Variants in SESTD1 observed in about 807,000 individuals in gnomAD.
SESTD1 encodes the protein SEC14 domain and spectrin repeat-containing protein 1.
A neutral mutation model predicts 101.7 loss-of-function variants in SESTD1; 43 were observed. The observed-to-expected ratio is 0.42, with a 90% CI of 0.33 to 0.55. SESTD1 has a LOEUF of 0.55. Among genes scored for constraint, SESTD1 ranks in the 20% least tolerant of loss-of-function variants. The probability of loss-of-function intolerance (pLI) is 0.07; values close to 1 mark genes in which losing one functional copy is unlikely to be tolerated. For synonymous variants in SESTD1, 283 were observed against 286.8 expected, an observed-to-expected ratio of 0.99 and a Z score of 0.13; for missense variants, 647 against 815.1, an observed-to-expected ratio of 0.79 and a Z score of 2.51.
chr2:179,183,487 C>T (rs1258542363), intron 2 of SESTD1, among the ~76,000 whole-genome samples: 4 of 152,030 alleles, frequency 2.6e-5, no homozygotes, highest in African/African-American at 9.7e-5. Flanking sequence ...ACACCTCTCA[C>T]GTGCCCAGCA....
At chr2:179,155,273 A>C (rs889191557) in intron 5 of SESTD1, among the ~76,000 whole-genome samples, 1 of 152,132 alleles carries the variant, frequency 6.6e-6, no homozygotes, top group Admixed American at 6.5e-5. Flanking sequence ...ATTAAACACA[A>C]TCAGATCCCA....
At chr2:179,168,893 T>G (rs2045882208) in intron 5 of SESTD1, among the ~76,000 whole-genome samples, 1 of 152,180 alleles carries the variant, frequency 6.6e-6, no homozygotes, top group Non-Finnish European at 1.5e-5. Flanking sequence ...TGTTTTAAGG[T>G]CCTTCTATTT....
At chr2:179,141,430 C>T (rs1051623584) in intron 9 of SESTD1, among the ~76,000 whole-genome samples, 1 of 152,134 alleles carries the variant, frequency 6.6e-6, no homozygotes, top group African/African-American at 2.4e-5. Context: ...ATGTAATTAT[C>T]TCCCATGAAG....
At position 179,235,386 on chromosome 2, in the gene SESTD1, T is replaced by C. The variant is rs562906680; in HGVS notation, c.-26+29113A>G. Among the ~76,000 whole-genome samples the C allele has an allele frequency of 3.0e-3, 464 of 152,328 alleles. 5 individuals are homozygous for C. Among genetic ancestry groups the C allele is most frequent in the African/African-American group, 0.011 (441 of 41,570 alleles). ...AGAATGTGGAGTGAAACCTATACAG[T>C]AATTCTTTGAATTATCTTTGCAATT... On this transcript the variant is annotated intron_variant, in intron 1 of 17. Coordinates refer to ENST00000428443, the MANE Select transcript of SESTD1 (RefSeq NM_178123.5).
intron 13 of SESTD1, among the ~76,000 whole-genome samples, chr2:179,121,025 G>A (rs1221801784): frequency 6.6e-6 from 1 of 152,096 alleles, no homozygotes; most frequent in Non-Finnish European, 1.5e-5. Context: ...TGATATAAAC[G>A]GAGAGCTCTA....
intron 1 of SESTD1, among the ~76,000 whole-genome samples, chr2:179,193,886 TGGGACCC>T (rs940230934): frequency 1.8e-4 from 27 of 152,196 alleles, no homozygotes; most frequent in Admixed American, 1.8e-3. Flanking sequence ...GGCCACCAGG[TGGGACCC>T]TTGCCCCAGT....
chr2:179,226,466 T>C (rs368176119), intron 1 of SESTD1, among the ~76,000 whole-genome samples: 22 of 152,346 alleles, frequency 1.4e-4, no homozygotes, highest in African/African-American at 5.3e-4. Context: ...AGCAGTCTCC[T>C]TCTCACTATC....
At chr2:179,163,392 T>C (rs1458178824) in intron 5 of SESTD1, among the ~76,000 whole-genome samples, 1 of 152,174 alleles carries the variant, frequency 6.6e-6, no homozygotes, top group Non-Finnish European at 1.5e-5. Flanking sequence ...AACATTCTAA[T>C]ATTTATGCGT....
At chr2:179,146,040 G>A (rs527835177) in intron 8 of SESTD1, among the ~76,000 whole-genome samples, 1 of 151,250 alleles carries the variant, frequency 6.6e-6, no homozygotes, top group African/African-American at 2.4e-5. Context: ...AGCAGGAGGT[G>A]AGCGGCAGGC....
chr2:179,183,172 C>A lies in SESTD1; in HGVS notation c.72G>T (p.Arg24=). The change falls in exon 3 of 18, where the codon CGG becomes CGT. Residue 24 remains arginine, a synonymous_variant. Coordinates refer to ENST00000428443, the MANE Select transcript of SESTD1 (RefSeq NM_178123.5). The part of the protein sequence containing the change: ...LAFLSGGKDR[R]SGLILTIPLC... ...ATGGAATTGTCAAAATGAGGCCACT[C>A]CGTCTGTCTTTTCCTCCTATTAAAA... 2 of 1,610,116 alleles carry A rather than the reference C, an allele frequency of 1.2e-6. No individual in the cohort carries two copies. The highest frequency in any genetic ancestry group is 2.7e-5 in the African/African-American group (2 of 74,830).
At chr2:179,220,805 T>G (rs1251446024) in intron 1 of SESTD1, among the ~76,000 whole-genome samples, 4 of 152,152 alleles carry the variant, frequency 2.6e-5, no homozygotes, top group Non-Finnish European at 4.4e-5. Flanking sequence ...TTACAAAACC[T>G]CATTCTCTCC....
At chr2:179,197,574 C>T (rs1477102073) in intron 1 of SESTD1, among the ~76,000 whole-genome samples, 1 of 152,156 alleles carries the variant, frequency 6.6e-6, no homozygotes, top group South Asian at 2.1e-4. Context: ...GTCGGGTTAC[C>T]CTCAAAGGGA....
intron 10 of SESTD1, among the ~76,000 whole-genome samples, chr2:179,130,438 C>T (rs568759107): frequency 2.8e-4 from 43 of 152,168 alleles, no homozygotes; most frequent in African/African-American, 7.7e-4. Context: ...ATTTTGAAAA[C>T]CTTATAAATA....
intron 1 of SESTD1, among the ~76,000 whole-genome samples, chr2:179,254,765 T>C (rs998881258): frequency 1.3e-5 from 2 of 152,354 alleles, no homozygotes; most frequent in South Asian, 4.1e-4. Context: ...TTTAGGTATA[T>C]TTACATGCAT....
At chr2:179,221,886 C>T (rs574631335) in intron 1 of SESTD1, among the ~76,000 whole-genome samples, 1 of 152,014 alleles carries the variant, frequency 6.6e-6, no homozygotes, top group East Asian at 1.9e-4. Context: ...TGCTACTGTA[C>T]TCCAGCCTGG....
chr2:179,261,554 A>G (rs1019652642), intron 1 of SESTD1, among the ~76,000 whole-genome samples: 5 of 152,206 alleles, frequency 3.3e-5, no homozygotes, highest in African/African-American at 1.2e-4. Context: ...TAAAAACATG[A>G]TAAGATGAAA....
chr2:179,106,528 A>C lies in SESTD1; in HGVS notation c.*3371T>G, dbSNP rs772758525. On this transcript the variant is annotated 3_prime_UTR_variant, in exon 18 of 18. Transcript: ENST00000428443. ...TATGGTTTACTCATCACTGTTAGTA[A>C]GGTAACTTAATTGTCATGCTCACGC... 12 of 152,218 alleles carry C rather than the reference A, an allele frequency of 7.9e-5. No individual in the cohort carries two copies. Among genetic ancestry groups the C allele is most frequent in the Non-Finnish European group, 1.6e-4 (11 of 68,030 alleles). The allele number at this position is 152,218 out of a possible 1,614,324, so 9.4% of individuals were successfully genotyped here.
chr2:179,256,575 G>A (rs1395833907), intron 1 of SESTD1, among the ~76,000 whole-genome samples: 1 of 152,168 alleles, frequency 6.6e-6, no homozygotes, highest in African/African-American at 2.4e-5. Flanking sequence ...CACTTTGGGA[G>A]GCCAAGGCAG....
intron 1 of SESTD1, among the ~76,000 whole-genome samples, chr2:179,236,781 T>C (rs2047075367): frequency 6.6e-6 from 1 of 150,964 alleles, no homozygotes; most frequent in Admixed American, 6.6e-5. Flanking sequence ...TTTTATTTGC[T>C]ATCGTTTGAT....
Sources: gnomAD v4.1 joint callset for allele counts (sites outside exome capture counted in the v4.1 genomes callset) on GRCh38, gnomAD v4.1.1 for gene constraint, MANE v1.5 for transcripts, NCBI Gene and HGNC (gene_info 2026-07-23, HGNC 2026-07-21) for gene names.